VPS35L: variants seen among roughly 807,000 people sequenced by gnomAD.
The protein encoded by VPS35L is VPS35 endosomal protein sorting factor like, also known as VPS35 endosomal protein-sorting factor-like.
In VPS35L, 83 loss-of-function variants were observed where a neutral mutation model predicts 133.0. That is an observed-to-expected ratio of 0.62 (90% CI 0.52 to 0.75). VPS35L has a LOEUF of 0.75. Among genes scored for constraint, VPS35L ranks in the 30% least tolerant of loss-of-function variants. The pLI, the probability that VPS35L is intolerant of heterozygous loss-of-function variation, is 0.00. For missense variants in VPS35L, 1,083 were observed against 1,206.8 expected (o/e 0.90, Z 1.52); for synonymous variants, 423 against 449.9 (o/e 0.94, Z 0.76).
At chr16:19,637,374 G>A (rs1973652786) in intron 19 of VPS35L, among the ~76,000 whole-genome samples, 2 of 152,082 alleles carry the variant, frequency 1.3e-5, no homozygotes, top group Admixed American at 1.3e-4. Context: ...GATGTACAGA[G>A]TCATTGGGCA....
intron 9 of VPS35L, among the ~76,000 whole-genome samples, chr16:19,605,649 T>C (rs1972516902): frequency 6.6e-6 from 1 of 152,208 alleles, no homozygotes; most frequent in Non-Finnish European, 1.5e-5. Context: ...CATGGCTGGC[T>C]CCCTTTCGTA....
chr16:19,628,725 A>T lies in VPS35L; in HGVS notation c.1472A>T (p.Lys491Ile). The change falls in exon 17 of 31, where the codon AAA (lysine) becomes ATA (isoleucine). Residue 491 changes from lysine to isoleucine, a missense_variant. By Grantham distance (102) the Lys-to-Ile change is moderately radical. Coordinates refer to ENST00000417362, the MANE Select transcript of VPS35L (RefSeq NM_020314.7). ...CTTCAGATTCTCAACGAAGCTTGGA[A>T]AGTCATCACTAAGCTGAAGAACCCA... ...DRLQILNEAW[K>I]VITKLKNPQD... 1.9e-6 allele frequency: 3 copies of T among 1,588,810 alleles called. No individual in the cohort carries two copies. Among genetic ancestry groups the T allele is most frequent in the Non-Finnish European group, 2.6e-6 (3 of 1,162,632 alleles).
At chr16:19,568,856 G>A (rs1789275836) in intron 2 of VPS35L, among the ~76,000 whole-genome samples, 1 of 152,122 alleles carries the variant, frequency 6.6e-6, no homozygotes. Context: ...ATGTTGCCCA[G>A]GCTGGTCTCA....
At chr16:19,591,177 C>A (rs1041588224) in intron 7 of VPS35L, among the ~76,000 whole-genome samples, 1 of 151,822 alleles carries the variant, frequency 6.6e-6, no homozygotes, top group Non-Finnish European at 1.5e-5. Flanking sequence ...TTTATGAAGC[C>A]TTGGGGATTT....
At chr16:19,608,308 T>A in intron 10 of VPS35L, 34 bp downstream of exon 10, 1 of 1,406,836 alleles carries the variant, frequency 7.1e-7, no homozygotes, top group Non-Finnish European at 1.0e-6. Context: ...CTGATGATTT[T>A]AAAGATAGGC....
rs370295713 is a variant in VPS35L, at chr16:19,601,731, C to T, written c.784+8C>T. ...GCCGCAGCGTCTTACCAGGTAATGT[C>T]GCAGCTGTTCCTGGGGTGTCATTCT... On this transcript the variant is annotated splice_region_variant and intron_variant, in intron 9 of 30. Coordinates refer to ENST00000417362, the MANE Select transcript of VPS35L (RefSeq NM_020314.7). 44 of 1,613,774 alleles carry T rather than the reference C, an allele frequency of 2.7e-5. No individual in the cohort carries two copies. Among genetic ancestry groups the T allele is most frequent in the East Asian group, 4.5e-5 (2 of 44,882 alleles).
chr16:19,627,060 T>C (rs766301181), intron 15 of VPS35L, among the ~76,000 whole-genome samples: 26 of 152,114 alleles, frequency 1.7e-4, no homozygotes, highest in Non-Finnish European at 3.7e-4. Context: ...GACGGGTGGA[T>C]CACCTGAGGT....
intron 7 of VPS35L, among the ~76,000 whole-genome samples, chr16:19,585,373 G>A (rs1408345748): frequency 2.0e-5 from 3 of 150,390 alleles, no homozygotes; most frequent in East Asian, 3.9e-4. Context: ...CTGACACTCG[G>A]TATTGTCCAT....
Position 19,639,308 on chromosome 16 carries a change from A to AGCCAGGC in VPS35L, c.1699-705_1699-699dup, listed in dbSNP as rs1338099383. On this transcript the variant is annotated intron_variant, in intron 20 of 30. Transcript: ENST00000417362. The surrounding 1 kb of genome is among the most constrained non-coding windows in gnomAD (Gnocchi z 4.1). ...CACAGTCACCGAGGTTAGTATTCAG[A>AGCCAGGC]GCCAGGCGGTCCAATTTCGAGGCCA... Among the ~76,000 whole-genome samples the AGCCAGGC allele has an allele frequency of 2.6e-5, 4 of 152,122 alleles. No homozygotes were observed. The highest frequency in any genetic ancestry group is 4.4e-5 in the Non-Finnish European group (3 of 68,026).
rs532452675 is a variant in VPS35L at position 19,578,366 on chromosome 16, C to T, written c.434-686C>T. On this transcript the variant is annotated intron_variant, in intron 5 of 30. Coordinates refer to ENST00000417362, the MANE Select transcript of VPS35L (RefSeq NM_020314.7). Reference sequence around the variant, plus strand: ...TCCAGCGTGGACGACAGAGTAAGACCCCATCTCAAAAAAAAAAAAATGCTA... The same window carrying T: ...TCCAGCGTGGACGACAGAGTAAGACTCCATCTCAAAAAAAAAAAAATGCTA... 1.2e-5 allele frequency: 5 copies of T among 420,980 alleles called. No homozygotes were observed. In the Admixed American group the frequency reaches 1.4e-4, roughly 12 times the overall value. The allele number at this position is 420,980 out of a possible 1,614,324, so 26.1% of individuals were successfully genotyped here. A position where few individuals can be genotyped will look rare whatever the true frequency, so the allele number is the denominator to read the frequency against.
intron 27 of VPS35L, among the ~76,000 whole-genome samples, chr16:19,673,899 T>C (rs1974960301): frequency 6.6e-6 from 1 of 152,180 alleles, no homozygotes; most frequent in South Asian, 2.1e-4. Flanking sequence ...GGCTACGCTA[T>C]TCCAGAGCCT....
Position 19,633,169 on chromosome 16 carries a change from C to G in VPS35L, c.1632C>G (p.Pro544=). 1.2e-6 allele frequency: 2 copies of G among 1,613,822 alleles called. No homozygotes were observed. The highest frequency in any genetic ancestry group is 1.1e-5 in the South Asian group (1 of 91,084). ...TPDRAFEDSY[P]QLQLIIKKVI... ...ATCGTGCATTTGAAGATTCCTACCC[C>G]CAGGTAACAGATTTGCATTTCTCAT... The change falls in exon 19 of 31, where the codon CCC becomes CCG. Residue 544 remains proline (P), a synonymous_variant. Coordinates refer to ENST00000417362, the MANE Select transcript of VPS35L (RefSeq NM_020314.7). This position sits in a 1 kb window ranked among gnomAD's most constrained non-coding sequence, Gnocchi z 4.1.
intron 5 of VPS35L, chr16:19,578,821 CTCTT>C: frequency 1.8e-6 from 1 of 555,698 alleles, no homozygotes. Flanking sequence ...AGCGGTTAAC[CTCTT>C]TGAGGCTGGC....
At chr16:19,687,409 C>T (rs904864380) in intron 28 of VPS35L, among the ~76,000 whole-genome samples, 9 of 152,332 alleles carry the variant, frequency 5.9e-5, no homozygotes, top group East Asian at 5.8e-4. Flanking sequence ...GAATTCTTCT[C>T]GCTTCTTACA....
Position 19,608,833 on chromosome 16 carries a change from C to T in VPS35L, c.882-141C>T, listed in dbSNP as rs558344617. On this transcript the variant is annotated intron_variant, in intron 10 of 30. Transcript: ENST00000417362. Reference sequence around the variant, plus strand: ...ACCATATGTAGAAACCATAAGCTACCTTAGTTCGCTGGATTGTTGAGGGCC... The same window carrying T: ...ACCATATGTAGAAACCATAAGCTACTTTAGTTCGCTGGATTGTTGAGGGCC... 7.0e-4 allele frequency: 438 copies of T among 630,176 alleles called. 1 individual carries two copies. The highest frequency in any genetic ancestry group is 1.1e-3 in the Non-Finnish European group (396 of 356,876). 39.0% of individuals were successfully genotyped at this position (630,176 alleles called of 1,614,324 possible). A position where few individuals can be genotyped will look rare whatever the true frequency, so the allele number is the denominator to read the frequency against.
intron 12 of VPS35L, among the ~76,000 whole-genome samples, chr16:19,613,870 G>C (rs188901642): frequency 6.6e-6 from 1 of 152,124 alleles, no homozygotes; most frequent in East Asian, 1.9e-4. Context: ...TACCAGCAAT[G>C]GGGGGGATGA....
intron 8 of VPS35L, among the ~76,000 whole-genome samples, chr16:19,595,601 G>A (rs940510713): frequency 1.3e-5 from 2 of 152,112 alleles, no homozygotes; most frequent in African/African-American, 4.8e-5. Context: ...TTAACTCTGA[G>A]ACACTGATTA....
At chr16:19,569,336 A>G (rs1971286888) in intron 2 of VPS35L, 88 bp from the exon 3 acceptor site, 2 of 1,457,362 alleles carry the variant, frequency 1.4e-6, no homozygotes. Flanking sequence ...CCATTCAACT[A>G]CCAGAATGGG....
chr16:19,629,156 A>G (rs1973366664), intron 17 of VPS35L, among the ~76,000 whole-genome samples: 1 of 152,290 alleles, frequency 6.6e-6, no homozygotes, highest in Admixed American at 6.5e-5. Flanking sequence ...TCCAAGCTGA[A>G]CATGGTAGCT....
Sources: gnomAD v4.1 joint callset for allele counts (sites outside exome capture counted in the v4.1 genomes callset) on GRCh38, gnomAD v4.1.1 for gene constraint, Gnocchi (gnomAD v3.1) non-coding constraint, MANE v1.5 for transcripts, NCBI Gene and HGNC (gene_info 2026-07-23, HGNC 2026-07-21) for gene names.